COLEC12: variants seen among roughly 807,000 people sequenced by gnomAD.
COLEC12 encodes the protein collectin subfamily member 12.
In COLEC12, 33 loss-of-function variants were observed where a neutral mutation model predicts 71.1. The observed-to-expected ratio is 0.46, with a 90% CI of 0.35 to 0.62. COLEC12 has a LOEUF of 0.62. COLEC12 is among the 20% of genes least tolerant of loss of function. COLEC12 has a pLI of 0.00. For synonymous variants in COLEC12, 350 were observed against 353.0 expected, an observed-to-expected ratio of 0.99 and a Z score of 0.10; for missense variants, 765 against 916.1, an observed-to-expected ratio of 0.84 and a Z score of 2.13.
At chr18:376,539 A>G (rs1915118796) in intron 2 of COLEC12, among the ~76,000 whole-genome samples, 2 of 152,152 alleles carry the variant, frequency 1.3e-5, no homozygotes, top group Non-Finnish European at 2.9e-5. Context: ...GTTTCCTTTC[A>G]AAAGATCATT....
At chr18:337,708 G>A (rs1248776166) in intron 5 of COLEC12, among the ~76,000 whole-genome samples, 1 of 152,108 alleles carries the variant, frequency 6.6e-6, no homozygotes, top group African/African-American at 2.4e-5. Flanking sequence ...TGGGCTCTGG[G>A]TCCTTATTTG....
chr18:444,207 T>C (rs1009681453), intron 2 of COLEC12, among the ~76,000 whole-genome samples: 1 of 152,232 alleles, frequency 6.6e-6, no homozygotes, highest in Non-Finnish European at 1.5e-5. Context: ...GGAATGCACA[T>C]ATTTATTTAT....
At chr18:485,463 T>C (rs1434125626) in intron 1 of COLEC12, among the ~76,000 whole-genome samples, 1 of 152,246 alleles carries the variant, frequency 6.6e-6, no homozygotes, top group Non-Finnish European at 1.5e-5. Flanking sequence ...TAAGATTTAT[T>C]CTGTCTTAAG....
In COLEC12 at chr18:345,439, C is replaced by T. The variant is rs546075492; in HGVS notation, c.1327+856G>A. 2.0e-5 allele frequency among the ~76,000 whole-genome samples: 3 copies of T among 152,242 alleles called. No homozygotes were observed. The South Asian group carries it at 6.2e-4, about 32-fold the overall frequency. On this transcript the variant is annotated intron_variant, in intron 5 of 9. Transcript: ENST00000400256. ...TGTTGCCCAGGCTGGTCTCAAACTC[C>T]TGGTCTCAAGCGATCCTCCCACCTC...
intron 9 of COLEC12, among the ~76,000 whole-genome samples, chr18:320,669 G>A (rs1913682086): frequency 6.6e-6 from 1 of 152,150 alleles, no homozygotes. Flanking sequence ...ACAAAGTTAT[G>A]CAATTTAGAA....
At chr18:419,917 C>T (rs1262726644) in intron 2 of COLEC12, among the ~76,000 whole-genome samples, 1 of 152,192 alleles carries the variant, frequency 6.6e-6, no homozygotes, top group African/African-American at 2.4e-5. Context: ...GCAGCTTCCA[C>T]TTTCTGACTC....
At chr18:338,603 A>G (rs56364297) in intron 5 of COLEC12, among the ~76,000 whole-genome samples, 16,316 of 152,222 alleles carry the variant, frequency 0.11, 1,064 homozygotes, top group South Asian at 0.17. Flanking sequence ...TCACCTAAAT[A>G]GCCTATGCCA....
At chr18:407,082 G>A (rs1420098684) in intron 2 of COLEC12, among the ~76,000 whole-genome samples, 1 of 152,262 alleles carries the variant, frequency 6.6e-6, no homozygotes, top group South Asian at 2.1e-4. Context: ...GGGAAACACA[G>A]GGGTGAGAAT....
At chr18:455,144 C>T (rs560906665) in intron 2 of COLEC12, among the ~76,000 whole-genome samples, 13 of 152,292 alleles carry the variant, frequency 8.5e-5, no homozygotes, top group South Asian at 6.2e-4. Context: ...CACTGCTTCC[C>T]GCTCCATGGC....
In COLEC12 at chr18:399,609, T is replaced by C. The variant is rs1915640017; in HGVS notation, c.59-42087A>G. ...CTCATCTGAAGCTTTTGTCTAAGTC[T>C]CCCTGGCAGGTTATTTGCTTGAGTT... On this transcript the variant is annotated intron_variant, in intron 2 of 9. Coordinates refer to ENST00000400256, the MANE Select transcript of COLEC12 (RefSeq NM_130386.3). The surrounding 1 kb of genome is among the most constrained non-coding windows in gnomAD (Gnocchi z 4.0). 6.6e-6 allele frequency among the ~76,000 whole-genome samples: 1 copy of C among 152,198 alleles called. No homozygotes were observed. The highest frequency in any genetic ancestry group is 6.5e-5 in the Admixed American group (1 of 15,276).
chr18:464,792 C>T (rs1484592900), intron 2 of COLEC12, among the ~76,000 whole-genome samples: 1 of 152,246 alleles, frequency 6.6e-6, no homozygotes, highest in African/African-American at 2.4e-5. Flanking sequence ...ATCCAACGAA[C>T]TCTCATTGTA....
At chr18:482,211 G>A (rs1044678098) in intron 1 of COLEC12, among the ~76,000 whole-genome samples, 7 of 150,918 alleles carry the variant, frequency 4.6e-5, no homozygotes, top group Non-Finnish European at 8.9e-5. Context: ...CACCTCCTGG[G>A]TTCAAGTGAT....
chr18:441,195 C>T (rs1251578534), intron 2 of COLEC12, among the ~76,000 whole-genome samples: 1 of 149,422 alleles, frequency 6.7e-6, no homozygotes, highest in African/African-American at 2.5e-5. Flanking sequence ...TTGCAGTGAG[C>T]CGAGATTGTG....
chr18:385,135 A>T (rs191983852), intron 2 of COLEC12, among the ~76,000 whole-genome samples: 76 of 152,272 alleles, frequency 5.0e-4, no homozygotes, highest in African/African-American at 1.8e-3. Context: ...ATCTAGGTCA[A>T]ATAGTTGGAA....
chr18:363,959 C>A (rs1255925506), intron 2 of COLEC12, among the ~76,000 whole-genome samples: 1 of 152,128 alleles, frequency 6.6e-6, no homozygotes, highest in Non-Finnish European at 1.5e-5. Context: ...ACTTTCTGTG[C>A]AAAATAAGTG....
intron 2 of COLEC12, among the ~76,000 whole-genome samples, chr18:453,683 A>G: frequency 6.6e-6 from 1 of 152,270 alleles, no homozygotes; most frequent in Non-Finnish European, 1.5e-5. Context: ...CCTAATTTTT[A>G]TGTGCAGCCA....
chr18:386,539 T>C (rs761526993), intron 2 of COLEC12, among the ~76,000 whole-genome samples: 14 of 152,188 alleles, frequency 9.2e-5, no homozygotes, highest in Non-Finnish European at 1.5e-4. Context: ...AGCACTGCCA[T>C]TGGAGACCTC....
In COLEC12 at chr18:319,053, T is replaced by C. The variant is rs1298199390; in HGVS notation, c.*992A>G. 1 of 152,014 alleles carries C rather than the reference T, an allele frequency of 6.6e-6. No homozygotes were observed. The highest frequency in any genetic ancestry group is 1.5e-5 in the Non-Finnish European group (1 of 68,008). 9.4% of individuals were successfully genotyped at this position (152,014 alleles called of 1,614,324 possible). On this transcript the variant is annotated 3_prime_UTR_variant, in exon 10 of 10. Coordinates refer to ENST00000400256, the MANE Select transcript of COLEC12 (RefSeq NM_130386.3). ...CAGCCATGACACAGGGCCTTCCAGA[T>C]AGGCCAGATTCAGTGCCCTTCCCAA... is the stretch of plus-strand genomic sequence containing the variant.
chr18:346,269 A>G lies in COLEC12; in HGVS notation c.1327+26T>C, dbSNP rs1914368039. 1 of 1,532,054 alleles carries G rather than the reference A, an allele frequency of 6.5e-7. No homozygotes were observed. The highest frequency in any genetic ancestry group is 2.3e-5 in the East Asian group (1 of 44,308). The allele number at this position is 1,532,054 out of a possible 1,614,324, so 94.9% of individuals were successfully genotyped here. ...TATGCAGCAATAAACAACTAATACA[A>G]ATACAAATTCAGAATTTTGACTTAC... On this transcript the variant is annotated intron_variant, in intron 5 of 9. Coordinates refer to ENST00000400256, the MANE Select transcript of COLEC12 (RefSeq NM_130386.3). The surrounding 1 kb of genome is among the most constrained non-coding windows in gnomAD (Gnocchi z 4.0).
Sources: gnomAD v4.1 joint callset for allele counts (sites outside exome capture counted in the v4.1 genomes callset) on GRCh38, gnomAD v4.1.1 for gene constraint, Gnocchi (gnomAD v3.1) non-coding constraint, MANE v1.5 for transcripts, NCBI Gene and HGNC (gene_info 2026-07-23, HGNC 2026-07-21) for gene names.